Variants in HOXC5 observed in about 807,000 individuals in gnomAD.
HOXC5 encodes homeobox C5.
HOXC5 carries 19 observed loss-of-function variants against 20.1 expected under a neutral mutation model. The observed-to-expected ratio is 0.94, with a 90% CI of 0.66 to 1.38. HOXC5 has a LOEUF of 1.38. Ranked by LOEUF, HOXC5 falls within the 40% of genes most tolerant of loss-of-function variation. The pLI is 0.00. For synonymous variants in HOXC5, 124 were observed against 117.0 expected (o/e 1.06, Z -0.39); for missense variants, 330 against 300.1 (o/e 1.10, Z -0.74).
the HOXC5 span, among the ~76,000 whole-genome samples, chr12:54,017,707 G>A: frequency 6.6e-6 from 1 of 152,152 alleles, no homozygotes; most frequent in Non-Finnish European, 1.5e-5. Flanking sequence ...TAGGGCGCCA[G>A]CTCTCTGCTG....
At chr12:54,023,951 A>G in the HOXC5 span, among the ~76,000 whole-genome samples, 4,531 of 152,298 alleles carry the variant, frequency 0.03, 101 homozygotes, top group Non-Finnish European at 0.045. Flanking sequence ...TTTGACTAGG[A>G]GTTCCATGGA....
At position 54,033,727 on chromosome 12, in the gene HOXC5, G is replaced by A. The variant is rs1941083017; in HGVS notation, c.454+151G>A. On this transcript the variant is annotated intron_variant, in intron 1 of 1. Transcript: ENST00000312492. ...CTGTCCACTAAAAGGCTTAGAGGCT[G>A]TGTGCGCCCAAATTTACGACGACAT... 4 of 672,248 alleles carry A rather than the reference G, an allele frequency of 6.0e-6. No individual in the cohort carries two copies. In the South Asian group the frequency reaches 8.1e-5, roughly 14 times the overall value. 41.6% of individuals were successfully genotyped at this position (672,248 alleles called of 1,614,324 possible).
At chr12:54,029,632 G>T, upstream of HOXC5, 2 of 1,604,438 alleles carry the variant, frequency 1.2e-6, no homozygotes, top group Middle Eastern at 1.7e-4. Context: ...TGCTTTTAGT[G>T]TGTTTTGTGC....
the HOXC5 span, among the ~76,000 whole-genome samples, chr12:54,018,663 T>G: frequency 2.6e-5 from 4 of 152,176 alleles, no homozygotes; most frequent in Admixed American, 2.6e-4. Flanking sequence ...CCGGCCTGGG[T>G]CCGAGGCTCC....
chr12:54,034,603 T>C lies in HOXC5; in HGVS notation c.*111T>C. On this transcript the variant is annotated 3_prime_UTR_variant, in exon 2 of 2. Transcript: ENST00000312492. The stretch of plus-strand genomic sequence containing the variant: ...GGGTCGGGGGCAGGTGCTGGAGCAC[T>C]GGGCTCCCGGGCCCCACAGACAAAA... 3.5e-6 allele frequency: 3 copies of C among 865,306 alleles called. No individual in the cohort carries two copies. The highest frequency in any genetic ancestry group is 1.7e-5 in the South Asian group (1 of 58,762). 53.6% of individuals were successfully genotyped at this position (865,306 alleles called of 1,614,324 possible). A position where few individuals can be genotyped will look rare whatever the true frequency, so the allele number is the denominator to read the frequency against.
the HOXC5 span, among the ~76,000 whole-genome samples, chr12:54,026,976 G>GGGA: frequency 6.0e-4 from 86 of 143,272 alleles, no homozygotes; most frequent in South Asian, 1.6e-3. Flanking sequence ...GGGGGGGGGG[G>GGGA]ATATGAGCTT....
the HOXC5 span, among the ~76,000 whole-genome samples, chr12:54,027,645 T>G: frequency 8.5e-5 from 13 of 152,304 alleles, no homozygotes; most frequent in Middle Eastern, 3.4e-3. Flanking sequence ...ATTGCATTTT[T>G]TATACATTTT....
the HOXC5 span, among the ~76,000 whole-genome samples, chr12:54,018,076 T>C: frequency 6.6e-6 from 1 of 151,616 alleles, no homozygotes; most frequent in Non-Finnish European, 1.5e-5. Context: ...GAGGAGAGCG[T>C]CTGCCCACCC....
the HOXC5 span, among the ~76,000 whole-genome samples, chr12:54,024,167 G>A: frequency 9.2e-5 from 14 of 152,296 alleles, no homozygotes; most frequent in East Asian, 9.7e-4. Flanking sequence ...AGGGATTTTA[G>A]CCCTCGCCCA....
At chr12:54,023,505 G>A in the HOXC5 span, among the ~76,000 whole-genome samples, 6 of 152,226 alleles carry the variant, frequency 3.9e-5, no homozygotes, top group East Asian at 7.7e-4. Context: ...AAAGCAGCTC[G>A]GGTAGCCTCT....
At chr12:54,020,574 G>A in the HOXC5 span, 21 of 152,156 alleles carry the variant, frequency 1.4e-4, no homozygotes, top group African/African-American at 5.1e-4. Flanking sequence ...TACAGACTCA[G>A]GCTTATGCAT....
At chr12:54,034,195 TG>T in intron 1 of HOXC5, 82 bp from the exon 2 acceptor site, 4 of 1,270,942 alleles carry the variant, frequency 3.1e-6, no homozygotes, top group Non-Finnish European at 4.5e-6. Context: ...CGGCCGCGGG[TG>T]GGGGCCTGGG....
In HOXC5 at chr12:54,034,509, C is replaced by A. The variant is rs756039094; in HGVS notation, c.*17C>A. 1 of 1,600,508 alleles carries A rather than the reference C, an allele frequency of 6.2e-7. No individual in the cohort carries two copies. Among genetic ancestry groups the A allele is most frequent in the South Asian group, 1.1e-5 (1 of 90,754 alleles). On this transcript the variant is annotated 3_prime_UTR_variant, in exon 2 of 2. Transcript: ENST00000312492. ...GCTCTTTAGAGGCAGCGGGGGAGGCCCGCAGAGCGCGCCCCTAGCCGGTTC... is the reference window on the plus strand; with the variant it reads ...GCTCTTTAGAGGCAGCGGGGGAGGCACGCAGAGCGCGCCCCTAGCCGGTTC...
At chr12:54,017,701 G>A in the HOXC5 span, among the ~76,000 whole-genome samples, 2 of 152,116 alleles carry the variant, frequency 1.3e-5, no homozygotes, top group African/African-American at 2.4e-5. Flanking sequence ...GCGGTCTAGG[G>A]CGCCAGCTCT....
chr12:54,023,504 C>T, the HOXC5 span, among the ~76,000 whole-genome samples: 2 of 152,116 alleles, frequency 1.3e-5, no homozygotes, highest in Admixed American at 6.5e-5. Flanking sequence ...AAAAGCAGCT[C>T]GGGTAGCCTC....
chr12:54,034,779 G>A lies in HOXC5; in HGVS notation c.*287G>A, dbSNP rs1941138414. 2.3e-6 allele frequency: 1 copy of A among 428,968 alleles called. No homozygotes were observed. The highest frequency in any genetic ancestry group is 4.7e-5 in the East Asian group (1 of 21,280). 26.6% of individuals were successfully genotyped at this position (428,968 alleles called of 1,614,324 possible). ...TTCCCCGGAGGGCTGCGGCGTACAG[G>A]CTGGCGCAGAACGAACCTTGGCCTG... On this transcript the variant is annotated 3_prime_UTR_variant, in exon 2 of 2. Coordinates refer to ENST00000312492, the MANE Select transcript of HOXC5 (RefSeq NM_018953.4).
the HOXC5 span, chr12:54,021,436 G>A: frequency 1.3e-5 from 2 of 152,314 alleles, no homozygotes; most frequent in Non-Finnish European, 2.9e-5. Flanking sequence ...CCAAGGCTGA[G>A]AATTGATGGG....
At chr12:54,020,341 C>T in the HOXC5 span, 10 of 151,788 alleles carry the variant, frequency 6.6e-5, no homozygotes, top group East Asian at 1.9e-4. Context: ...GGCTTGCCTG[C>T]CCCCCTTATA....
At chr12:54,034,034 C>T (rs1293410087) in intron 1 of HOXC5, 3 of 692,852 alleles carry the variant, frequency 4.3e-6, no homozygotes, top group South Asian at 1.5e-5. Flanking sequence ...TCCCTCTTCC[C>T]CCCAACCCCC....
Sources: allele counts gnomAD v4.1 joint callset (sites outside exome capture counted in the v4.1 genomes callset), GRCh38; gene constraint gnomAD v4.1.1; transcripts MANE v1.5; gene names NCBI Gene and HGNC (gene_info 2026-07-23, HGNC 2026-07-21).